The following ADGRL4 variants were observed in gnomAD, a reference collection of about 807,000 sequenced individuals.
The protein encoded by ADGRL4 is EGF, latrophilin and seven transmembrane domain containing 1.
Under a neutral mutation model 74.8 loss-of-function variants are expected in ADGRL4, and 90 were observed. The observed-to-expected ratio is 1.20, with a 90% CI of 1.02 to 1.43. The LOEUF (loss-of-function observed/expected upper bound fraction) is 1.43. ADGRL4 is among the 40% of genes most tolerant of loss of function. ADGRL4 has a pLI of 0.00. For missense variants in ADGRL4, 881 were observed against 814.3 expected (o/e 1.08, Z -1.00); for synonymous variants, 311 against 279.2 (o/e 1.11, Z -1.14).
intron 2 of ADGRL4, among the ~76,000 whole-genome samples, chr1:78,985,192 A>G (rs1650468369): frequency 6.6e-6 from 1 of 151,804 alleles, no homozygotes. Context: ...TCCAATATTT[A>G]TAATAGTCTA....
intron 2 of ADGRL4, among the ~76,000 whole-genome samples, chr1:78,953,394 A>G (rs1032847862): frequency 1.3e-5 from 2 of 152,206 alleles, no homozygotes; most frequent in African/African-American, 4.8e-5. Context: ...ATTGGTAGAA[A>G]AATCTTACAA....
At chr1:78,923,639 T>C (rs1453794588) in intron 8 of ADGRL4, among the ~76,000 whole-genome samples, 2 of 151,888 alleles carry the variant, frequency 1.3e-5, no homozygotes, top group Admixed American at 6.6e-5. Context: ...AAAATAGCTT[T>C]TTTAAAAAAA....
chr1:78,903,954 TAAATAAATAAATAAATAAATA>T lies in ADGRL4; in HGVS notation c.1750-10786_1750-10766del, dbSNP rs1390280938. ...CATATAAAATAAATAAATAAATAAA[TAAATAAATAAATAAATAAATA>T]AATAATAATAATAATAATGTACTAT... On this transcript the variant is annotated intron_variant, in intron 12 of 14. Coordinates refer to ENST00000370742, the MANE Select transcript of ADGRL4 (RefSeq NM_022159.4). Among the ~76,000 whole-genome samples the T allele has an allele frequency of 1.5e-4, 16 of 103,374 alleles. No homozygotes were observed. The East Asian group carries it at 3.6e-3, about 23-fold the overall frequency. The allele number at this position is 103,374 out of a possible 152,430, so 67.8% of individuals were successfully genotyped here.
intron 2 of ADGRL4, among the ~76,000 whole-genome samples, chr1:78,990,541 A>AT (rs1453672265): frequency 3.9e-5 from 6 of 152,050 alleles, no homozygotes; most frequent in Admixed American, 1.3e-4. Context: ...CAACCATTTG[A>AT]TTTTTTTCAA....
At chr1:78,932,163 G>A (rs1461033721) in intron 7 of ADGRL4, among the ~76,000 whole-genome samples, 2 of 151,348 alleles carry the variant, frequency 1.3e-5, no homozygotes, top group South Asian at 2.1e-4. Flanking sequence ...TTCTAAAATC[G>A]ACTACATAAC....
At chr1:78,990,178 A>G (rs1210174044) in intron 2 of ADGRL4, among the ~76,000 whole-genome samples, 6 of 151,824 alleles carry the variant, frequency 4.0e-5, no homozygotes, top group Admixed American at 2.6e-4. Flanking sequence ...TTTCCCTTCT[A>G]TGTTTATTAT....
chr1:78,999,005 T>C (rs1436819361), intron 2 of ADGRL4, among the ~76,000 whole-genome samples: 1 of 152,170 alleles, frequency 6.6e-6, no homozygotes, highest in Non-Finnish European at 1.5e-5. Flanking sequence ...ATATAATTTT[T>C]TTATTAAGCT....
At chr1:78,966,721 C>T (rs1650064173) in intron 2 of ADGRL4, among the ~76,000 whole-genome samples, 2 of 152,134 alleles carry the variant, frequency 1.3e-5, no homozygotes. Flanking sequence ...GGCTTCAACT[C>T]CATCGGACAG....
intron 8 of ADGRL4, 95 bp from the exon 9 acceptor site, chr1:78,921,881 C>A (rs1267752436): frequency 1.5e-6 from 1 of 652,110 alleles, no homozygotes; most frequent in Non-Finnish European, 2.3e-6. Context: ...GTGATTGAAA[C>A]AATGCCTTAA....
Position 79,000,752 on chromosome 1 carries a change from G to T in ADGRL4, c.172+4318C>A, listed in dbSNP as rs1377883307. Among the ~76,000 whole-genome samples the T allele has an allele frequency of 4.6e-5, 7 of 152,218 alleles. No homozygotes were observed. The East Asian group carries it at 9.7e-4, about 21-fold the overall frequency. On this transcript the variant is annotated intron_variant, in intron 2 of 14. Coordinates refer to ENST00000370742, the MANE Select transcript of ADGRL4 (RefSeq NM_022159.4). ...GAAGTTTACAGAAATCATGATCCTGGAAGGTAAACCCTGGGTTAATTTAGA... is the reference window on the plus strand; with the variant it reads ...GAAGTTTACAGAAATCATGATCCTGTAAGGTAAACCCTGGGTTAATTTAGA...
At chr1:78,975,271 T>G (rs1016866202) in intron 2 of ADGRL4, among the ~76,000 whole-genome samples, 2 of 152,126 alleles carry the variant, frequency 1.3e-5, no homozygotes, top group Non-Finnish European at 2.9e-5. Flanking sequence ...GAAGAAAGTA[T>G]TAATTACTGC....
chr1:78,983,976 A>G (rs1650445881), intron 2 of ADGRL4, among the ~76,000 whole-genome samples: 1 of 151,840 alleles, frequency 6.6e-6, no homozygotes, highest in Non-Finnish European at 1.5e-5. Flanking sequence ...GGTGAACTTC[A>G]GGACAAAGAA....
chr1:78,983,596 C>T (rs1650438329), intron 2 of ADGRL4, among the ~76,000 whole-genome samples: 1 of 151,594 alleles, frequency 6.6e-6, no homozygotes, highest in Non-Finnish European at 1.5e-5. Context: ...GTTTAAGAAA[C>T]ATATAACAGA....
At chr1:78,919,726 A>T (rs1455720583) in intron 10 of ADGRL4, among the ~76,000 whole-genome samples, 3 of 151,946 alleles carry the variant, frequency 2.0e-5, no homozygotes, top group Non-Finnish European at 2.9e-5. Flanking sequence ...GAAGGTTCAA[A>T]TGGTTCAAAA....
intron 2 of ADGRL4, among the ~76,000 whole-genome samples, chr1:78,983,476 G>A (rs1650436087): frequency 6.6e-6 from 1 of 150,658 alleles, no homozygotes; most frequent in Non-Finnish European, 1.5e-5. Context: ...AGCAATTAAT[G>A]TAGCGAACTG....
intron 2 of ADGRL4, among the ~76,000 whole-genome samples, chr1:78,951,562 G>A (rs919044386): frequency 2.6e-5 from 4 of 152,158 alleles, no homozygotes; most frequent in African/African-American, 9.7e-5. Flanking sequence ...TCAACAAGTA[G>A]ATTAGCAAGA....
chr1:78,993,572 A>ATTTTTTTTTT (rs201803350), intron 2 of ADGRL4, among the ~76,000 whole-genome samples: 1 of 84,060 alleles, frequency 1.2e-5, no homozygotes, highest in African/African-American at 4.6e-5. Flanking sequence ...CAAAAATTCC[A>ATTTTTTTTTT]TTTTTTTTTT....
At position 78,891,213 on chromosome 1, in the gene ADGRL4, G is replaced by T; in HGVS notation, c.2014C>A (p.Gln672Lys). Reference protein sequence around the residue: ...LFLCVLSRKIQEEYYRLFKNV... With the variant: ...LFLCVLSRKIKEEYYRLFKNV... Reference sequence around the variant, plus strand: ...TTGAACAATCTGTAATATTCTTCTTGAATCTAAAAATTAAAAAAAGGAAAG... The same window carrying T: ...TTGAACAATCTGTAATATTCTTCTTTAATCTAAAAATTAAAAAAAGGAAAG... Residue 672 changes from glutamine to lysine, a missense_variant, in exon 15 of 15, where the codon CAA (glutamine) becomes AAA (lysine). Gln to Lys is a moderately conservative substitution (Grantham distance 53, BLOSUM62 1). Transcript: ENST00000370742. 6.3e-7 allele frequency: 1 copy of T among 1,599,340 alleles called. No individual in the cohort carries two copies. Among genetic ancestry groups the T allele is most frequent in the South Asian group, 1.1e-5 (1 of 88,368 alleles).
intron 2 of ADGRL4, among the ~76,000 whole-genome samples, chr1:78,979,059 C>T (rs1279716159): frequency 1.3e-5 from 2 of 151,874 alleles, no homozygotes; most frequent in African/African-American, 4.8e-5. Context: ...AATATCACAG[C>T]GTTTTCTAGA....
Sources: allele counts gnomAD v4.1 joint callset (sites outside exome capture counted in the v4.1 genomes callset), GRCh38; gene constraint gnomAD v4.1.1; transcripts MANE v1.5; gene names NCBI Gene and HGNC (gene_info 2026-07-23, HGNC 2026-07-21).